PANX1: variants seen among roughly 807,000 people sequenced by gnomAD.
PANX1 encodes pannexin-1.
A neutral mutation model predicts 38.7 loss-of-function variants in PANX1; 30 were observed. That is an observed-to-expected ratio of 0.78 (90% CI 0.58 to 1.05). PANX1 has a LOEUF of 1.05. Ranked by LOEUF, PANX1 falls within the 50% of genes least tolerant of loss-of-function variation. The pLI is 0.00. For missense variants in PANX1, 551 were observed against 517.2 expected (o/e 1.07, Z -0.63); for synonymous variants, 230 against 212.2 (o/e 1.08, Z -0.73).
chr11:94,161,915 C>G (rs953725475), intron 2 of PANX1, among the ~76,000 whole-genome samples: 7 of 152,138 alleles, frequency 4.6e-5, no homozygotes, highest in Non-Finnish European at 1.0e-4. Flanking sequence ...TGTCCTTTCT[C>G]TTTGTTAGTT....
chr11:94,160,245 G>T (rs182119756), intron 2 of PANX1, among the ~76,000 whole-genome samples: 70 of 152,258 alleles, frequency 4.6e-4, no homozygotes, highest in Admixed American at 1.2e-3. Context: ...TATTAAGTCT[G>T]CTTGATGCAG....
intron 1 of PANX1, among the ~76,000 whole-genome samples, chr11:94,148,642 G>A (rs1029751008): frequency 2.0e-5 from 3 of 152,094 alleles, no homozygotes; most frequent in African/African-American, 7.2e-5. Context: ...TGCTTTATGG[G>A]TTGTAATATA....
At chr11:94,152,277 G>A (rs571891163) in intron 1 of PANX1, among the ~76,000 whole-genome samples, 1 of 152,240 alleles carries the variant, frequency 6.6e-6, no homozygotes, top group East Asian at 1.9e-4. Flanking sequence ...TTTGTTTTTT[G>A]TGTGTTTTTT....
chr11:94,150,268 G>A (rs1324973623), intron 1 of PANX1, among the ~76,000 whole-genome samples: 1 of 152,140 alleles, frequency 6.6e-6, no homozygotes, highest in Non-Finnish European at 1.5e-5. Flanking sequence ...CATTGATTTG[G>A]ATTTGTAACC....
intron 3 of PANX1, among the ~76,000 whole-genome samples, chr11:94,178,817 CATT>C (rs1393734477): frequency 6.6e-6 from 1 of 152,182 alleles, no homozygotes; most frequent in Non-Finnish European, 1.5e-5. Context: ...TGTCAAGACT[CATT>C]CCCTTGATGA....
rs200745097 is a variant in PANX1 at position 94,129,516 on chromosome 11, G to C, written c.181+23G>C. The C allele has an allele frequency of 4.1e-4, 643 of 1,587,218 alleles. 1 individual carries two copies. Among genetic ancestry groups the C allele is most frequent in the Non-Finnish European group, 5.4e-4 (623 of 1,161,130 alleles). The stretch of plus-strand genomic sequence containing the variant: ...TTGGTAAGCCTCGCCCAGGACGGAG[G>C]GGAGTGGCCGCCCCGGTCTGGCCCG... On this transcript the variant is annotated intron_variant, in intron 1 of 4. Coordinates refer to ENST00000227638, the MANE Select transcript of PANX1 (RefSeq NM_015368.4).
At chr11:94,136,723 G>A (rs1013868017) in intron 1 of PANX1, among the ~76,000 whole-genome samples, 8 of 151,940 alleles carry the variant, frequency 5.3e-5, no homozygotes, top group Admixed American at 2.6e-4. Context: ...AGCCGAGATC[G>A]CGCCACTGCA....
chr11:94,130,800 G>A (rs940341526), intron 1 of PANX1, among the ~76,000 whole-genome samples: 7 of 152,218 alleles, frequency 4.6e-5, no homozygotes, highest in Non-Finnish European at 1.0e-4. Context: ...TGAGTGGAGT[G>A]TGGTGTTGGT....
Position 94,138,460 on chromosome 11 carries a change from G to A in PANX1, c.181+8967G>A, listed in dbSNP as rs183160739. On this transcript the variant is annotated intron_variant, in intron 1 of 4. Transcript: ENST00000227638. ...TAGCCTTTATTGTATTTTCTTTTCC[G>A]GTTGTCCGTTTCCTTTGAATTCTGT... Among the ~76,000 whole-genome samples the A allele has an allele frequency of 1.6e-3, 244 of 151,734 alleles. 1 individual carries two copies. The highest frequency in any genetic ancestry group is 2.9e-3 in the Non-Finnish European group (194 of 67,908).
intron 2 of PANX1, among the ~76,000 whole-genome samples, chr11:94,165,112 GT>G (rs1947088445): frequency 6.6e-6 from 1 of 151,938 alleles, no homozygotes; most frequent in Admixed American, 6.6e-5. Flanking sequence ...TTGGGTCTTG[GT>G]TTTTTATCCA....
At chr11:94,148,931 T>C (rs1003010360) in intron 1 of PANX1, among the ~76,000 whole-genome samples, 2 of 152,118 alleles carry the variant, frequency 1.3e-5, no homozygotes, top group Non-Finnish European at 2.9e-5. Flanking sequence ...ACCTCCTCTT[T>C]CTTGTGTTTA....
intron 2 of PANX1, among the ~76,000 whole-genome samples, chr11:94,157,682 T>A (rs1266735232): frequency 6.6e-6 from 1 of 152,214 alleles, no homozygotes; most frequent in Non-Finnish European, 1.5e-5. Flanking sequence ...TCCCATTCTG[T>A]AGGTTGCCTG....
At chr11:94,156,085 G>A (rs1359269661) in intron 2 of PANX1, among the ~76,000 whole-genome samples, 2 of 152,304 alleles carry the variant, frequency 1.3e-5, no homozygotes, top group South Asian at 2.1e-4. Flanking sequence ...TGGCAGGGGT[G>A]TTAGTAATTA....
Position 94,129,309 on chromosome 11 carries a change from AG to A in PANX1, c.-3del. The A allele has an allele frequency of 3.1e-6, 5 of 1,599,380 alleles. No individual in the cohort carries two copies. The highest frequency in any genetic ancestry group is 4.3e-6 in the Non-Finnish European group (5 of 1,168,576). On this transcript the variant is annotated 5_prime_UTR_variant, in exon 1 of 5. Coordinates refer to ENST00000227638, the MANE Select transcript of PANX1 (RefSeq NM_015368.4). ...CTCCTGGTCGAGCCTGGCGCGCCGCAGCCATGGCCATCGCTCAACTGGCCAC... is the reference window on the plus strand; with the variant it reads ...CTCCTGGTCGAGCCTGGCGCGCCGCACCATGGCCATCGCTCAACTGGCCAC...
chr11:94,180,186 T>A lies in PANX1; in HGVS notation c.1130T>A (p.Val377Asp). 6.2e-7 allele frequency: 1 copy of A among 1,613,538 alleles called. No individual in the cohort carries two copies. The highest frequency in any genetic ancestry group is 2.2e-5 in the East Asian group (1 of 44,828). ...AACCTTGGCATGATCAAGATGGATG[T>A]TGTTGATGGCAAAACTCCCATGTCT... ...LTNLGMIKMDVVDGKTPMSAE... is the reference protein window; with the variant it reads ...LTNLGMIKMDDVDGKTPMSAE... Residue 377 changes from valine to aspartate, a missense_variant, in exon 4 of 5, where the codon GTT (valine) becomes GAT (aspartate). Physicochemically the swap from Val to Asp is radical, Grantham distance 152. Transcript: ENST00000227638.
At chr11:94,162,392 G>A (rs1406321644) in intron 2 of PANX1, among the ~76,000 whole-genome samples, 1 of 152,160 alleles carries the variant, frequency 6.6e-6, no homozygotes, top group African/African-American at 2.4e-5. Context: ...TGGCCACTTT[G>A]TTTACCTACT....
intron 2 of PANX1, among the ~76,000 whole-genome samples, chr11:94,174,603 C>T (rs1318521703): frequency 6.6e-6 from 1 of 151,622 alleles, no homozygotes; most frequent in South Asian, 2.1e-4. Flanking sequence ...CTTGTGTTCC[C>T]ATCTGTCCTG....
chr11:94,159,508 C>A (rs1344638395), intron 2 of PANX1, among the ~76,000 whole-genome samples: 1 of 151,600 alleles, frequency 6.6e-6, no homozygotes, highest in Admixed American at 6.6e-5. Flanking sequence ...AGGAATTTAT[C>A]CATTTCTTCG....
intron 2 of PANX1, among the ~76,000 whole-genome samples, chr11:94,171,881 C>A (rs1365273403): frequency 1.4e-5 from 2 of 146,698 alleles, no homozygotes; most frequent in South Asian, 4.2e-4. Context: ...CAGTAGGTGG[C>A]GCTCTAACAC....
Sources: gnomAD v4.1 joint callset for allele counts (sites outside exome capture counted in the v4.1 genomes callset) on GRCh38, gnomAD v4.1.1 for gene constraint, MANE v1.5 for transcripts, NCBI Gene and HGNC (gene_info 2026-07-23, HGNC 2026-07-21) for gene names.